The following USP32 variants were observed in gnomAD, a reference collection of about 807,000 sequenced individuals.
USP32 encodes the protein ubiquitin specific peptidase 32.
Under a neutral mutation model 204.8 loss-of-function variants are expected in USP32, and 59 were observed. That is an observed-to-expected ratio of 0.29 (90% confidence interval 0.23 to 0.36). The LOEUF is 0.36. Ranked by LOEUF, USP32 falls within the 10% of genes least tolerant of loss-of-function variation. The pLI is 1.00. For missense variants in USP32, 1,160 were observed against 1,946.4 expected (o/e 0.60, Z 7.60); for synonymous variants, 517 against 678.4 (o/e 0.76, Z 3.70).
intron 1 of USP32, chr17:60,421,872 C>T: frequency 1.0e-6 from 1 of 985,478 alleles, no homozygotes; most frequent in African/African-American, 1.7e-5. Flanking sequence ...GGCGACGGGA[C>T]TTGCCCGCGT....
At chr17:60,372,985 C>T (rs547741453) in intron 1 of USP32, among the ~76,000 whole-genome samples, 5 of 151,678 alleles carry the variant, frequency 3.3e-5, no homozygotes, top group African/African-American at 1.2e-4. Flanking sequence ...GCTAACATAG[C>T]GAGGTCTCTA....
chr17:60,387,233 T>C lies in USP32; in HGVS notation c.58+4649A>G, dbSNP rs145024243. On this transcript the variant is annotated intron_variant, in intron 1 of 33. Coordinates refer to ENST00000300896, the MANE Select transcript of USP32 (RefSeq NM_032582.4). ...TTTAAGATTAATACTGAGAAATTGG[T>C]GAACAAAATCTTAGTTGGGAGTCAA... Among the ~76,000 whole-genome samples, 256 of 152,310 alleles carry C rather than the reference T, an allele frequency of 1.7e-3. 2 individuals are homozygous for C. The highest frequency in any genetic ancestry group is 6.0e-3 in the African/African-American group (248 of 41,568).
chr17:60,286,063 G>A (rs1299259644), intron 5 of USP32, among the ~76,000 whole-genome samples: 1 of 151,288 alleles, frequency 6.6e-6, no homozygotes, highest in East Asian at 1.9e-4. Flanking sequence ...TTGAATCCAG[G>A]AGGCGGAGGC....
chr17:60,240,204 C>T (rs2085840971), intron 11 of USP32, among the ~76,000 whole-genome samples: 2 of 152,198 alleles, frequency 1.3e-5, no homozygotes. Context: ...CTTGTTTCTG[C>T]AATTTTTTGT....
chr17:60,300,985 G>A (rs1302398235), intron 3 of USP32, among the ~76,000 whole-genome samples: 1 of 152,152 alleles, frequency 6.6e-6, no homozygotes, highest in East Asian at 1.9e-4. Context: ...TAAGCAAAAT[G>A]TTTTCAAGTT....
chr17:60,193,063 G>A (rs1446284846), intron 27 of USP32, 133 bp from the exon 28 acceptor site: 5 of 875,200 alleles, frequency 5.7e-6, no homozygotes, highest in Admixed American at 2.2e-5. Context: ...ACAGCTCAAT[G>A]TTACTTACCC....
intron 3 of USP32, among the ~76,000 whole-genome samples, chr17:60,299,025 G>C (rs1463901662): frequency 2.6e-5 from 4 of 152,082 alleles, no homozygotes; most frequent in African/African-American, 9.7e-5. Context: ...CTAGCTACTT[G>C]GGAGGTTGAG....
chr17:60,198,763 G>T (rs1344828100), intron 26 of USP32, among the ~76,000 whole-genome samples: 2 of 152,220 alleles, frequency 1.3e-5, no homozygotes, highest in African/African-American at 2.4e-5. Context: ...GTAAAAACTA[G>T]TAATAGCTTC....
chr17:60,280,556 T>C (rs2086944839), intron 5 of USP32, among the ~76,000 whole-genome samples: 1 of 152,206 alleles, frequency 6.6e-6, no homozygotes. Context: ...TATGAAAAAG[T>C]AATTAAAGGC....
At chr17:60,201,659 CA>C (rs1164399558) in intron 26 of USP32, among the ~76,000 whole-genome samples, 9 of 149,278 alleles carry the variant, frequency 6.0e-5, no homozygotes, top group East Asian at 2.0e-4. Flanking sequence ...TGTCGTTGAT[CA>C]TTTTTTTTTT....
At chr17:60,373,136 T>C (rs967089397) in intron 1 of USP32, among the ~76,000 whole-genome samples, 3 of 152,148 alleles carry the variant, frequency 2.0e-5, no homozygotes, top group South Asian at 2.1e-4. Context: ...GAGGCTACAG[T>C]AAGCCATGAT....
chr17:60,231,925 A>G (rs1456257877), intron 12 of USP32, among the ~76,000 whole-genome samples: 3 of 152,182 alleles, frequency 2.0e-5, no homozygotes, highest in African/African-American at 7.2e-5. Context: ...GCTCCAGTGA[A>G]TCAGCAAATC....
chr17:60,338,002 G>A (rs1219564610), intron 2 of USP32, among the ~76,000 whole-genome samples: 1 of 152,160 alleles, frequency 6.6e-6, no homozygotes, highest in Non-Finnish European at 1.5e-5. Flanking sequence ...GAGAGTTTAG[G>A]ATAAGAGAAA....
At chr17:60,316,097 G>A in intron 2 of USP32, 1 of 254,926 alleles carries the variant, frequency 3.9e-6, no homozygotes, top group Non-Finnish European at 7.7e-6. Flanking sequence ...GTGCTCTGCA[G>A]GAGGCAAATG....
intron 1 of USP32, among the ~76,000 whole-genome samples, chr17:60,349,596 A>AAAAAAAAATAT (rs1555618242): frequency 1.5e-5 from 1 of 65,202 alleles, no homozygotes; most frequent in Non-Finnish European, 2.5e-5. Flanking sequence ...AAAAAAAAAA[A>AAAAAAAAATAT]ATATATATAT....
chr17:60,303,950 A>C (rs1250573235), intron 2 of USP32, among the ~76,000 whole-genome samples: 1 of 152,194 alleles, frequency 6.6e-6, no homozygotes, highest in East Asian at 1.9e-4. Context: ...TGTAACATTC[A>C]AGTAATCCTG....
chr17:60,334,035 A>G (rs1035415953), intron 2 of USP32, among the ~76,000 whole-genome samples: 3 of 152,210 alleles, frequency 2.0e-5, no homozygotes, highest in Non-Finnish European at 4.4e-5. Flanking sequence ...TATGTGAGAA[A>G]CACAAGAGAT....
At chr17:60,323,565 G>A (rs1444614177) in intron 2 of USP32, among the ~76,000 whole-genome samples, 2 of 152,158 alleles carry the variant, frequency 1.3e-5, no homozygotes, top group Non-Finnish European at 2.9e-5. Flanking sequence ...CATAGTAAAA[G>A]CCACTGAATT....
intron 10 of USP32, among the ~76,000 whole-genome samples, chr17:60,253,682 C>T (rs566313948): frequency 6.6e-6 from 1 of 152,212 alleles, no homozygotes; most frequent in Non-Finnish European, 1.5e-5. Context: ...AGGAGAATCG[C>T]TTGAACCTGA....
Sources: gnomAD v4.1 joint callset for allele counts (sites outside exome capture counted in the v4.1 genomes callset) on GRCh38, gnomAD v4.1.1 for gene constraint, MANE v1.5 for transcripts, NCBI Gene and HGNC (gene_info 2026-07-23, HGNC 2026-07-21) for gene names.